Variants in HPSE2 observed in about 807,000 individuals in gnomAD.
The protein encoded by HPSE2 is heparanase 2 (inactive).
HPSE2 carries 38 observed loss-of-function variants against 60.5 expected under a neutral mutation model. That is an observed-to-expected ratio of 0.63 (90% CI 0.48 to 0.82). The LOEUF (loss-of-function observed/expected upper bound fraction) is 0.82. Among genes scored for constraint, HPSE2 ranks in the 40% least tolerant of loss-of-function variants. The pLI, the probability that HPSE2 is intolerant of heterozygous loss-of-function variation, is 0.00. For synonymous variants in HPSE2, 295 were observed against 293.2 expected, an observed-to-expected ratio of 1.01 and a Z score of -0.06; for missense variants, 713 against 740.4, an observed-to-expected ratio of 0.96 and a Z score of 0.43.
intron 11 of HPSE2, among the ~76,000 whole-genome samples, chr10:98,460,624 A>C (rs2133574335): frequency 6.6e-6 from 1 of 152,328 alleles, no homozygotes; most frequent in Middle Eastern, 3.4e-3. Context: ...AAAAAACAAA[A>C]AATGAGTTTT....
the HPSE2 span, among the ~76,000 whole-genome samples, chr10:99,278,986 T>G: frequency 3.9e-5 from 6 of 152,172 alleles, no homozygotes; most frequent in Non-Finnish European, 7.3e-5. Context: ...CTGTTTAGAT[T>G]CTACACTTCA....
At chr10:98,708,007 C>T (rs1347504669) in intron 5 of HPSE2, among the ~76,000 whole-genome samples, 1 of 151,970 alleles carries the variant, frequency 6.6e-6, no homozygotes, top group African/African-American at 2.4e-5. Context: ...GAATTTATTA[C>T]ATAAAAAGGA....
intron 3 of HPSE2, among the ~76,000 whole-genome samples, chr10:98,753,414 C>T (rs1474661222): frequency 6.6e-6 from 1 of 152,106 alleles, no homozygotes; most frequent in African/African-American, 2.4e-5. Flanking sequence ...TCCAGAAGAA[C>T]TGACAGTGGG....
At chr10:98,636,983 A>T (rs984515195) in intron 7 of HPSE2, among the ~76,000 whole-genome samples, 3 of 152,098 alleles carry the variant, frequency 2.0e-5, no homozygotes, top group Non-Finnish European at 4.4e-5. Flanking sequence ...AACTTTCTCA[A>T]TTTCCCATCT....
chr10:99,066,274 G>A (rs1360863885), intron 3 of HPSE2, among the ~76,000 whole-genome samples: 2 of 152,146 alleles, frequency 1.3e-5, no homozygotes, highest in Non-Finnish European at 2.9e-5. Flanking sequence ...GCAATACTTA[G>A]AGGGACATTT....
the HPSE2 span, among the ~76,000 whole-genome samples, chr10:99,284,047 G>C: frequency 6.6e-6 from 1 of 152,074 alleles, no homozygotes; most frequent in Non-Finnish European, 1.5e-5. Flanking sequence ...CCATTACCCT[G>C]TTATCAAAGC....
At position 98,737,482 on chromosome 10, in the gene HPSE2, A is replaced by G. The variant is rs1048182928; in HGVS notation, c.784+6401T>C. ...GCCAGCAAGCACTATCCATCACAGC[A>G]TAGTCCCTCATGGCTTCTCTTGGCT... On this transcript the variant is annotated intron_variant, in intron 4 of 11. Coordinates refer to ENST00000370552, the MANE Select transcript of HPSE2 (RefSeq NM_021828.5). 9.6e-5 allele frequency among the ~76,000 whole-genome samples: 14 copies of G among 146,292 alleles called. 4 individuals carry two copies. The highest frequency in any genetic ancestry group is 4.5e-5 in the Non-Finnish European group (3 of 66,744).
At chr10:98,516,516 C>T (rs796469017) in intron 9 of HPSE2, among the ~76,000 whole-genome samples, 9 of 152,306 alleles carry the variant, frequency 5.9e-5, no homozygotes, top group African/African-American at 1.7e-4. Context: ...TCTTATCTCA[C>T]TAATTGGTGA....
At chr10:98,604,591 A>C (rs138988450) in intron 9 of HPSE2, among the ~76,000 whole-genome samples, 1,802 of 152,342 alleles carry the variant, frequency 0.012, 21 homozygotes, top group Non-Finnish European at 0.017. Flanking sequence ...AGAATTTAGT[A>C]GTAGATGGAC....
intron 2 of HPSE2, among the ~76,000 whole-genome samples, chr10:99,204,348 C>T (rs1848673987): frequency 6.6e-6 from 1 of 152,226 alleles, no homozygotes; most frequent in African/African-American, 2.4e-5. Context: ...AGCAGCAGTC[C>T]ATCCCATGGA....
At chr10:98,904,737 A>T (rs1450955401) in intron 3 of HPSE2, among the ~76,000 whole-genome samples, 1 of 152,198 alleles carries the variant, frequency 6.6e-6, no homozygotes, top group Non-Finnish European at 1.5e-5. Flanking sequence ...CCAATCCTTT[A>T]AAAAACAATG....
chr10:98,941,426 T>C (rs1444472919), intron 3 of HPSE2, among the ~76,000 whole-genome samples: 1 of 136,788 alleles, frequency 7.3e-6, no homozygotes, highest in Non-Finnish European at 1.5e-5. Flanking sequence ...ACAAGCGTTC[T>C]TATACACCAA....
intron 3 of HPSE2, among the ~76,000 whole-genome samples, chr10:99,114,951 A>G (rs1259844535): frequency 6.6e-6 from 1 of 151,672 alleles, no homozygotes; most frequent in African/African-American, 2.4e-5. Flanking sequence ...GACCACTTTA[A>G]AAATATATAT....
At chr10:98,493,836 C>T (rs1274132914) in intron 9 of HPSE2, among the ~76,000 whole-genome samples, 1 of 152,108 alleles carries the variant, frequency 6.6e-6, no homozygotes, top group Non-Finnish European at 1.5e-5. Context: ...TTGCTGTTTT[C>T]TATGTTACAG....
intron 6 of HPSE2, among the ~76,000 whole-genome samples, chr10:98,645,170 C>T (rs1946735290): frequency 6.6e-6 from 1 of 152,100 alleles, no homozygotes; most frequent in South Asian, 2.1e-4. Flanking sequence ...GTTAGTCATA[C>T]AGGAATACAA....
intron 3 of HPSE2, among the ~76,000 whole-genome samples, chr10:99,053,023 C>A (rs1958024748): frequency 7.6e-6 from 1 of 131,538 alleles, no homozygotes; most frequent in Non-Finnish European, 1.7e-5. Context: ...TATTTTCCAT[C>A]TTTTATTAAT....
chr10:98,475,819 G>A (rs1180048951), intron 11 of HPSE2, among the ~76,000 whole-genome samples: 2 of 152,190 alleles, frequency 1.3e-5, no homozygotes, highest in African/African-American at 4.8e-5. Context: ...GACAGTCTTA[G>A]AAGTAGCTCA....
At chr10:99,208,697 TAA>T (rs201709270) in intron 2 of HPSE2, among the ~76,000 whole-genome samples, 1 of 118,344 alleles carries the variant, frequency 8.4e-6, no homozygotes. Flanking sequence ...AAAATAAAAA[TAA>T]AAAAAAAAAG....
intron 7 of HPSE2, among the ~76,000 whole-genome samples, chr10:98,630,514 G>A (rs1006269502): frequency 4.6e-5 from 7 of 151,752 alleles, no homozygotes; most frequent in Non-Finnish European, 7.4e-5. Context: ...TTTTTTTACC[G>A]ATTACCTTTC....
Sources: allele counts gnomAD v4.1 joint callset (sites outside exome capture counted in the v4.1 genomes callset), GRCh38; gene constraint gnomAD v4.1.1; transcripts MANE v1.5; gene names NCBI Gene and HGNC (gene_info 2026-07-23, HGNC 2026-07-21).